The following NLGN1 variants were observed in gnomAD, a reference collection of about 807,000 sequenced individuals.
NLGN1 encodes neuroligin 1.
NLGN1 carries 12 observed loss-of-function variants against 65.5 expected under a neutral mutation model. The ratio of observed to expected loss-of-function variants is 0.18; its 90% CI spans 0.12 to 0.30. NLGN1 has a LOEUF of 0.30. NLGN1 is among the 10% of genes least tolerant of loss of function. The pLI, the probability that NLGN1 is intolerant of heterozygous loss-of-function variation, is 1.00. For missense variants in NLGN1, 750 were observed against 1,007.1 expected (o/e 0.74, Z 3.46); for synonymous variants, 350 against 359.5 (o/e 0.97, Z 0.30).
intron 2 of NLGN1, among the ~76,000 whole-genome samples, chr3:173,498,939 A>G (rs972716128): frequency 2.0e-5 from 3 of 151,434 alleles, no homozygotes; most frequent in Admixed American, 6.6e-5. Context: ...AGTTCATTGT[A>G]GATTCTGGAT....
intron 3 of NLGN1, among the ~76,000 whole-genome samples, chr3:173,620,310 T>A (rs937795408): frequency 2.6e-5 from 4 of 152,054 alleles, no homozygotes; most frequent in Non-Finnish European, 4.4e-5. Context: ...TCATAGGGTT[T>A]GTGGAGTAAT....
intron 1 of NLGN1, among the ~76,000 whole-genome samples, chr3:173,403,322 C>CTA (rs1718049426): frequency 6.6e-6 from 1 of 152,070 alleles, no homozygotes. Flanking sequence ...ATAATGTAAA[C>CTA]TATAGTTAAA....
intron 2 of NLGN1, among the ~76,000 whole-genome samples, chr3:173,481,038 T>A (rs1361918393): frequency 6.6e-6 from 1 of 152,022 alleles, no homozygotes; most frequent in East Asian, 1.9e-4. Flanking sequence ...TAGATATAAT[T>A]GTTATTATTA....
chr3:174,052,388 AT>A (rs1028713573), intron 4 of NLGN1, among the ~76,000 whole-genome samples: 21 of 151,808 alleles, frequency 1.4e-4, no homozygotes, highest in Admixed American at 9.9e-4. Flanking sequence ...AAGATTATTG[AT>A]TTTTTTTCAA....
chr3:173,512,568 A>G (rs1733154731), intron 2 of NLGN1, among the ~76,000 whole-genome samples: 1 of 152,206 alleles, frequency 6.6e-6, no homozygotes, highest in African/African-American at 2.4e-5. Flanking sequence ...GATGGGGACA[A>G]GGTGGGCCAT....
intron 3 of NLGN1, among the ~76,000 whole-genome samples, chr3:173,749,430 C>T (rs894451953): frequency 2.6e-5 from 4 of 151,966 alleles, no homozygotes; most frequent in African/African-American, 9.7e-5. Flanking sequence ...TGAAGATACT[C>T]TTCTAAATAT....
chr3:173,974,570 G>A (rs1716999020), intron 4 of NLGN1, among the ~76,000 whole-genome samples: 1 of 151,918 alleles, frequency 6.6e-6, no homozygotes, highest in African/African-American at 2.4e-5. Flanking sequence ...ATTTGAGGTG[G>A]GAAGAGGTAG....
rs557775044 is a variant in NLGN1, at chr3:173,778,466, A to G, written c.494-29214A>G. Among the ~76,000 whole-genome samples the G allele has an allele frequency of 7.9e-5, 12 of 151,992 alleles. No homozygotes were observed. The East Asian group carries it at 2.1e-3, about 27-fold the overall frequency. On this transcript the variant is annotated intron_variant, in intron 3 of 6. Transcript: ENST00000457714. ...TACAGATGGCTCTTGCTGGCACAAG[A>G]TAAGGGTAGAGGAAAACCAATAAAC...
intron 4 of NLGN1, among the ~76,000 whole-genome samples, chr3:174,125,857 C>T (rs551297072): frequency 4.6e-5 from 7 of 152,150 alleles, no homozygotes; most frequent in East Asian, 3.9e-4. Flanking sequence ...GAGTAGTCGT[C>T]GGTCACTTTG....
At chr3:173,818,105 C>A (rs1719413486) in intron 4 of NLGN1, among the ~76,000 whole-genome samples, 1 of 152,142 alleles carries the variant, frequency 6.6e-6, no homozygotes, top group East Asian at 1.9e-4. Flanking sequence ...TTCATTTATT[C>A]TTTCATTAAT....
chr3:173,812,761 A>G (rs1336060599), intron 4 of NLGN1, among the ~76,000 whole-genome samples: 3 of 134,524 alleles, frequency 2.2e-5, no homozygotes, highest in Non-Finnish European at 5.0e-5. Flanking sequence ...GTGTGCGTGT[A>G]TATATATATA....
At chr3:174,054,485 A>G (rs1410474648) in intron 4 of NLGN1, among the ~76,000 whole-genome samples, 1 of 152,030 alleles carries the variant, frequency 6.6e-6, no homozygotes, top group South Asian at 2.1e-4. Flanking sequence ...ACCCTTCATT[A>G]TCTGATCCTC....
intron 4 of NLGN1, among the ~76,000 whole-genome samples, chr3:174,273,185 T>C (rs1749806473): frequency 6.6e-6 from 1 of 151,680 alleles, no homozygotes; most frequent in East Asian, 1.9e-4. Flanking sequence ...GAATTCTGTA[T>C]GGATGTAAAG....
chr3:173,515,409 G>A (rs1387963696), intron 2 of NLGN1, among the ~76,000 whole-genome samples: 1 of 151,900 alleles, frequency 6.6e-6, no homozygotes, highest in African/African-American at 2.4e-5. Flanking sequence ...TATATGATTT[G>A]CAAAAGTTTC....
chr3:174,116,930 A>G (rs1716607831), intron 4 of NLGN1, among the ~76,000 whole-genome samples: 2 of 152,190 alleles, frequency 1.3e-5, no homozygotes, highest in South Asian at 2.1e-4. Context: ...TGGAAAGTAT[A>G]TACTGGAGTT....
At chr3:174,225,787 A>G (rs1054207227) in intron 4 of NLGN1, among the ~76,000 whole-genome samples, 7 of 152,096 alleles carry the variant, frequency 4.6e-5, no homozygotes, top group African/African-American at 1.7e-4. Flanking sequence ...AAGGGGGAGG[A>G]AAAATATTAT....
At chr3:173,613,458 T>C (rs941713957) in intron 3 of NLGN1, among the ~76,000 whole-genome samples, 1 of 152,128 alleles carries the variant, frequency 6.6e-6, no homozygotes, top group South Asian at 2.1e-4. Context: ...TACGATGCAT[T>C]AGTCCATATG....
chr3:173,558,319 G>A (rs1286178016), intron 2 of NLGN1, among the ~76,000 whole-genome samples: 1 of 151,844 alleles, frequency 6.6e-6, no homozygotes, highest in Non-Finnish European at 1.5e-5. Flanking sequence ...TCATCCTACT[G>A]TGGTTTGTTG....
intron 4 of NLGN1, among the ~76,000 whole-genome samples, chr3:174,089,610 A>G (rs62290260): frequency 6.6e-6 from 1 of 152,296 alleles, no homozygotes; most frequent in South Asian, 2.1e-4. Flanking sequence ...TTACAGTAAA[A>G]GGGACCTCTA....
Sources: allele counts gnomAD v4.1 joint callset (sites outside exome capture counted in the v4.1 genomes callset), GRCh38; gene constraint gnomAD v4.1.1; transcripts MANE v1.5; gene names NCBI Gene and HGNC (gene_info 2026-07-23, HGNC 2026-07-21).